AFF2: variants seen among roughly 807,000 people sequenced by gnomAD.
AFF2 encodes the protein AF4/FMR2 family member 2.
Under a neutral mutation model 76.9 loss-of-function variants are expected in AFF2, and 14 were observed. The ratio of observed to expected loss-of-function variants is 0.18; its 90% CI spans 0.12 to 0.28. The LOEUF is 0.28. Among genes scored for constraint, AFF2 ranks in the 10% least tolerant of loss-of-function variants. AFF2 has a pLI of 1.00. For synonymous variants in AFF2, 398 were observed against 366.7 expected (o/e 1.09, Z -0.98); for missense variants, 868 against 1,001.1 (o/e 0.87, Z 1.79).
At chrX:148,817,522 G>A (rs1404985211) in intron 4 of AFF2, among the ~76,000 whole-genome samples, 5 of 111,545 alleles carry the variant, frequency 4.5e-5, no homozygotes, top group Admixed American at 9.6e-5. Context: ...ATGGGATTTC[G>A]TGAGGAAATT....
At chrX:148,840,746 A>G (rs1293548293) in intron 5 of AFF2, among the ~76,000 whole-genome samples, 2 of 112,334 alleles carry the variant, frequency 1.8e-5, no homozygotes, top group Non-Finnish European at 3.8e-5. Context: ...CAACCAAGCT[A>G]TTTCCAACTG....
chrX:148,874,248 T>C (rs192466868), intron 7 of AFF2, among the ~76,000 whole-genome samples: 286 of 111,909 alleles, frequency 2.6e-3, no homozygotes, highest in African/African-American at 9.0e-3. Context: ...TCCTCTACAG[T>C]GATTCTTTTA....
At chrX:148,673,718 C>T (rs1384828818) in intron 3 of AFF2, among the ~76,000 whole-genome samples, 4 of 111,828 alleles carry the variant, frequency 3.6e-5, no homozygotes, top group African/African-American at 9.8e-5. Context: ...CTATGCTGTG[C>T]TCAATGTGAA....
chrX:148,726,267 C>G (rs138998657), intron 3 of AFF2, among the ~76,000 whole-genome samples: 384 of 111,975 alleles, frequency 3.4e-3, no homozygotes, highest in African/African-American at 0.012. Context: ...CCATTTGAGA[C>G]TTAGCGTCCA....
chrX:148,999,139 C>T lies in AFF2; in HGVS notation c.*7807C>T, dbSNP rs2072644456. Reference sequence around the variant, plus strand: ...TAATGCAGTTTAACAAATGACTCCACCTATTTTTCCAGTAGGTAAATTGAC... The same window carrying T: ...TAATGCAGTTTAACAAATGACTCCATCTATTTTTCCAGTAGGTAAATTGAC... On this transcript the variant is annotated 3_prime_UTR_variant, in exon 21 of 21. Coordinates refer to ENST00000370460, the MANE Select transcript of AFF2 (RefSeq NM_002025.4). 9.0e-6 allele frequency: 1 copy of T among 111,590 alleles called. No individual in the cohort carries two copies. The highest frequency in any genetic ancestry group is 1.9e-5 in the Non-Finnish European group (1 of 53,119). 9.2% of individuals were successfully genotyped at this position (111,590 alleles called of 1,213,427 possible).
At chrX:148,521,390 A>C (rs997039774) in intron 1 of AFF2, among the ~76,000 whole-genome samples, 4 of 106,079 alleles carry the variant, frequency 3.8e-5, no homozygotes, top group Non-Finnish European at 7.7e-5. Context: ...ACACACACAC[A>C]CACACACACA....
chrX:148,672,999 T>C (rs1213048703), intron 3 of AFF2, among the ~76,000 whole-genome samples: 1 of 111,058 alleles, frequency 9.0e-6, no homozygotes, highest in Non-Finnish European at 1.9e-5. Flanking sequence ...CCCTGAAAAA[T>C]AGATTAATTT....
intron 3 of AFF2, among the ~76,000 whole-genome samples, chrX:148,795,872 T>TATATATATACAC (rs58337451): frequency 5.9e-5 from 2 of 33,677 alleles, no homozygotes; most frequent in African/African-American, 1.6e-4. Context: ...TATATATATA[T>TATATATATACAC]ACACACCTAA....
At chrX:148,879,410 C>A (rs2071071709) in intron 7 of AFF2, among the ~76,000 whole-genome samples, 1 of 111,930 alleles carries the variant, frequency 8.9e-6, no homozygotes, top group African/African-American at 3.2e-5. Context: ...TTTGTTCCTG[C>A]AAATCCCTGG....
chrX:148,571,821 G>T (rs1316252151), intron 1 of AFF2, among the ~76,000 whole-genome samples: 2 of 111,224 alleles, frequency 1.8e-5, no homozygotes, highest in African/African-American at 6.5e-5. Flanking sequence ...GGGTCAAAGG[G>T]CCAGTGATAA....
chrX:148,843,289 C>T (rs782132880), intron 6 of AFF2, 93 bp from the exon 7 acceptor site: 24 of 753,113 alleles, frequency 3.2e-5, no homozygotes, highest in East Asian at 6.6e-5. Flanking sequence ...GAAGGTAACT[C>T]GGGGGACTGC....
intron 7 of AFF2, among the ~76,000 whole-genome samples, chrX:148,856,677 A>G (rs1207759740): frequency 1.8e-5 from 2 of 111,766 alleles, no homozygotes; most frequent in African/African-American, 3.2e-5. Context: ...ATCCTCTCAC[A>G]TTTTGTAAAA....
intron 8 of AFF2, among the ~76,000 whole-genome samples, chrX:148,899,265 C>T (rs956515794): frequency 1.8e-5 from 2 of 111,655 alleles, no homozygotes; most frequent in Admixed American, 9.5e-5. Context: ...TGTAATTAAG[C>T]GATTCATTTT....
At chrX:148,985,301 T>TTTTTTTTTTTTTG (rs2072455232) in intron 19 of AFF2, among the ~76,000 whole-genome samples, 1 of 66,337 alleles carries the variant, frequency 1.5e-5, no homozygotes, top group African/African-American at 5.9e-5. Context: ...TTTTTTTTTT[T>TTTTTTTTTTTTTG]TTTTTTTTTT....
At chrX:148,961,561 G>C (rs782787122) in intron 12 of AFF2, among the ~76,000 whole-genome samples, 1 of 112,238 alleles carries the variant, frequency 8.9e-6, no homozygotes, top group Admixed American at 9.4e-5. Context: ...AAAAGATGGA[G>C]AAGATGACAC....
chrX:148,560,183 T>A (rs192821316), intron 1 of AFF2, among the ~76,000 whole-genome samples: 52 of 111,614 alleles, frequency 4.7e-4, no homozygotes, highest in Admixed American at 4.4e-3. Flanking sequence ...AGCATGGTAC[T>A]GGTACCAAAA....
intron 8 of AFF2, among the ~76,000 whole-genome samples, chrX:148,903,835 G>T (rs910792408): frequency 9.0e-6 from 1 of 111,285 alleles, no homozygotes; most frequent in African/African-American, 3.3e-5. Context: ...TGACCATTCC[G>T]TCTGCATCTG....
chrX:148,998,302 TC>T lies in AFF2; in HGVS notation c.*6972del, dbSNP rs1233835993. ...CTCTCTCTGGCTCTGGCTTTTGCTT[TC>T]CTGCTAGTGTTCTTTCTCTTTCCAA... On this transcript the variant is annotated 3_prime_UTR_variant, in exon 21 of 21. Transcript: ENST00000370460. 5 of 112,171 alleles carry T rather than the reference TC, an allele frequency of 4.5e-5. No individual in the cohort carries two copies. The highest frequency in any genetic ancestry group is 2.8e-4 in the Admixed American group (3 of 10,531). The allele number at this position is 112,171 out of a possible 1,213,427, so 9.2% of individuals were successfully genotyped here.
intron 3 of AFF2, among the ~76,000 whole-genome samples, chrX:148,714,098 TA>T (rs1438500981): frequency 8.9e-6 from 1 of 112,210 alleles, no homozygotes; most frequent in Non-Finnish European, 1.9e-5. Context: ...TGCAGTGTTA[TA>T]AAAAATCTCC....
Sources: allele counts gnomAD v4.1 joint callset (sites outside exome capture counted in the v4.1 genomes callset), GRCh38; gene constraint gnomAD v4.1.1; transcripts MANE v1.5; gene names NCBI Gene and HGNC (gene_info 2026-07-23, HGNC 2026-07-21).